The following MIER1 variants were observed in gnomAD, a reference collection of about 807,000 sequenced individuals.
The protein encoded by MIER1 is MIER1 transcriptional regulator.
In MIER1, 40 loss-of-function variants were observed where a neutral mutation model predicts 75.7. The observed-to-expected ratio is 0.53, with a 90% CI of 0.41 to 0.69. MIER1 has a LOEUF of 0.69. MIER1 is among the 30% of genes least tolerant of loss of function. The pLI is 0.00. For missense variants in MIER1, 574 were observed against 680.2 expected, an observed-to-expected ratio of 0.84 and a Z score of 1.74; for synonymous variants, 213 against 223.4, an observed-to-expected ratio of 0.95 and a Z score of 0.42.
intron 2 of MIER1, among the ~76,000 whole-genome samples, chr1:66,937,230 G>A (rs915513804): frequency 1.3e-5 from 2 of 151,998 alleles, no homozygotes; most frequent in African/African-American, 4.8e-5. Context: ...AAAAGAGGTG[G>A]GCAGGGCAGG....
chr1:66,969,882 T>C lies in MIER1; in HGVS notation c.773-926T>C, dbSNP rs568398731. ...ATCCAATGTGGCTTCTGCTTCCATC[T>C]CTCTACAGAAAGTTCTCACAACATT... On this transcript the variant is annotated intron_variant, in intron 8 of 13. Transcript: ENST00000401041. Among the ~76,000 whole-genome samples the C allele has an allele frequency of 4.6e-5, 7 of 152,294 alleles. No individual in the cohort carries two copies. The South Asian group carries it at 1.2e-3, about 27-fold the overall frequency.
chr1:66,958,824 A>G, intron 5 of MIER1, 27 bp from the exon 6 acceptor site: 1 of 1,576,520 alleles, frequency 6.3e-7, no homozygotes, highest in Non-Finnish European at 8.7e-7. Context: ...CTTACATCTT[A>G]GAGAAATTTA....
rs562409557 is a variant in MIER1, at chr1:66,955,079, A to G, written c.340-2980A>G. Among the ~76,000 whole-genome samples the G allele has an allele frequency of 9.8e-5, 15 of 152,344 alleles. No homozygotes were observed. In the South Asian group the frequency reaches 2.1e-3, roughly 21 times the overall value. On this transcript the variant is annotated intron_variant, in intron 4 of 13. Coordinates refer to ENST00000401041, the MANE Select transcript of MIER1 (RefSeq NM_001077700.3). ...ATCCAGGAGGGAAAAACCTTAATCT[A>G]TGATTGTCAGACATTCTACATTCTT...
chr1:66,977,266 C>T (rs763207964), intron 12 of MIER1, among the ~76,000 whole-genome samples: 2 of 151,876 alleles, frequency 1.3e-5, no homozygotes, highest in East Asian at 1.9e-4. Context: ...CCTGCCATGA[C>T]GCCTGGCTAA....
At chr1:66,954,548 C>T (rs12074407) in intron 4 of MIER1, among the ~76,000 whole-genome samples, 17,415 of 152,098 alleles carry the variant, frequency 0.11, 2,416 homozygotes, top group African/African-American at 0.34. Context: ...ACTTGAATGA[C>T]TTTTCTCCAT....
rs150870135 is a variant in MIER1, at chr1:66,985,814, ATTTTT to A, written c.*933_*937del. 5.1e-3 allele frequency: 3,237 copies of A among 628,970 alleles called. 1 individual carries two copies. The highest frequency in any genetic ancestry group is 0.011 in the South Asian group (142 of 13,356). 39.0% of individuals were successfully genotyped at this position (628,970 alleles called of 1,614,324 possible). On this transcript the variant is annotated 3_prime_UTR_variant, in exon 14 of 14. Coordinates refer to ENST00000401041, the MANE Select transcript of MIER1 (RefSeq NM_001077700.3). ...TAAAGCATTCATAAAGGATTATAAA[ATTTTT>A]TTTTTTTTTTTTTTTTTTAAATTTC...
At chr1:66,936,250 G>A (rs1453722911) in intron 2 of MIER1, among the ~76,000 whole-genome samples, 2 of 151,342 alleles carry the variant, frequency 1.3e-5, no homozygotes, top group East Asian at 1.9e-4. Flanking sequence ...TTTTTGAGAC[G>A]GAGTCTCTGT....
chr1:66,978,612 G>A (rs890841798), intron 12 of MIER1, among the ~76,000 whole-genome samples: 1 of 152,054 alleles, frequency 6.6e-6, no homozygotes, highest in African/African-American at 2.4e-5. Flanking sequence ...GATTTTCAAG[G>A]TATTATATAG....
intron 4 of MIER1, among the ~76,000 whole-genome samples, chr1:66,951,866 A>C (rs1400348698): frequency 6.6e-6 from 1 of 152,126 alleles, no homozygotes; most frequent in Non-Finnish European, 1.5e-5. Context: ...TTAGATTTTG[A>C]AGAAGGCAGT....
intron 12 of MIER1, among the ~76,000 whole-genome samples, chr1:66,981,293 C>T (rs1665832478): frequency 1.3e-5 from 2 of 152,144 alleles, no homozygotes; most frequent in Non-Finnish European, 2.9e-5. Context: ...CATCTTATAG[C>T]TCAGATCTGG....
At chr1:66,954,575 A>T (rs1054373438) in intron 4 of MIER1, among the ~76,000 whole-genome samples, 3 of 152,212 alleles carry the variant, frequency 2.0e-5, no homozygotes, top group African/African-American at 2.4e-5. Flanking sequence ...CAGTTCTATT[A>T]CGATTGTAAT....
chr1:66,958,314 T>TTTCTA (rs3831089), intron 5 of MIER1, 94 bp downstream of exon 5: 3 of 804,782 alleles, frequency 3.7e-6, no homozygotes, highest in South Asian at 3.3e-5. Context: ...TTTATAATCT[T>TTTCTA]TTCCTGATTT....
chr1:66,932,081 C>T (rs555063157), intron 2 of MIER1, among the ~76,000 whole-genome samples: 8 of 151,652 alleles, frequency 5.3e-5, no homozygotes, highest in African/African-American at 1.5e-4. Flanking sequence ...ATTTTATTGC[C>T]GAGGGAACTA....
Position 66,959,734 on chromosome 1 carries a change from C to A in MIER1, c.690C>A (p.Asp230Glu). Residue 230 changes from aspartate (D) to glutamate (E), a missense_variant, in exon 7 of 14, where the codon GAC becomes GAA. Physicochemically the swap from Asp to Glu is conservative, Grantham distance 45 (BLOSUM62 2). Coordinates refer to ENST00000401041, the MANE Select transcript of MIER1 (RefSeq NM_001077700.3). The part of the protein sequence containing the change: ...EEDEDYIPSE[D>E]WKKEIMVGSM... ...ATGAAGATTATATTCCATCAGAAGA[C>A]TGGAAAAAGGTAGTTAGAACAATAT... The A allele has an allele frequency of 7.1e-7, 1 of 1,408,910 alleles. No individual in the cohort carries two copies. Among genetic ancestry groups the A allele is most frequent in the Non-Finnish European group, 9.5e-7 (1 of 1,053,652 alleles). The allele number at this position is 1,408,910 out of a possible 1,614,324, so 87.3% of individuals were successfully genotyped here.
intron 12 of MIER1, among the ~76,000 whole-genome samples, chr1:66,978,068 C>T (rs58680688): frequency 1.3e-5 from 2 of 151,572 alleles, no homozygotes; most frequent in African/African-American, 2.4e-5. Flanking sequence ...TGGTGGTGCA[C>T]GCCTATAGTC....
chr1:66,982,125 C>T (rs936395649), intron 13 of MIER1, among the ~76,000 whole-genome samples: 7 of 152,126 alleles, frequency 4.6e-5, no homozygotes, highest in African/African-American at 1.7e-4. Context: ...TTTAATAAAG[C>T]CTACTGTCAA....
chr1:66,966,017 A>C (rs1224842218), intron 8 of MIER1, among the ~76,000 whole-genome samples: 3 of 151,424 alleles, frequency 2.0e-5, no homozygotes. Context: ...GCTGAATAGC[A>C]CTCTATTGTG....
intron 2 of MIER1, among the ~76,000 whole-genome samples, chr1:66,931,406 A>G (rs1558015117): frequency 6.6e-6 from 1 of 152,086 alleles, no homozygotes; most frequent in Non-Finnish European, 1.5e-5. Flanking sequence ...GAGATGATGT[A>G]TTTGGATTTT....
intron 4 of MIER1, among the ~76,000 whole-genome samples, chr1:66,956,241 G>T (rs1186181823): frequency 2.6e-5 from 4 of 152,116 alleles, no homozygotes; most frequent in Non-Finnish European, 4.4e-5. Flanking sequence ...GGGCAACATG[G>T]TGAAACCCTT....
Sources: allele counts gnomAD v4.1 joint callset (sites outside exome capture counted in the v4.1 genomes callset), GRCh38; gene constraint gnomAD v4.1.1; transcripts MANE v1.5; gene names NCBI Gene and HGNC (gene_info 2026-07-23, HGNC 2026-07-21).